The following KMT2A variants were observed in gnomAD, a reference collection of about 807,000 sequenced individuals.
KMT2A encodes histone-lysine N-methyltransferase 2A.
A neutral mutation model predicts 345.3 loss-of-function variants in KMT2A; 16 were observed. The observed-to-expected ratio is 0.05, with a 90% CI of 0.03 to 0.07. The LOEUF is 0.07. KMT2A is among the 10% of genes least tolerant of loss of function. The pLI is 1.00. For missense variants in KMT2A, 3,272 were observed against 4,841.6 expected, an observed-to-expected ratio of 0.68 and a Z score of 9.62; for synonymous variants, 1,599 against 1,778.6, an observed-to-expected ratio of 0.90 and a Z score of 2.54.
intron 31 of KMT2A, among the ~76,000 whole-genome samples, chr11:118,517,911 G>A (rs781793777): frequency 2.9e-4 from 44 of 152,030 alleles, no homozygotes; most frequent in Admixed American, 7.2e-4. Context: ...TTGAGATGAG[G>A]TCTCACTCTG....
Position 118,468,935 on chromosome 11 carries a change from C to G in KMT2A, c.502+91C>G. The G allele has an allele frequency of 5.3e-6, 5 of 935,304 alleles. No homozygotes were observed. In the South Asian group the frequency reaches 7.0e-5, roughly 13 times the overall value. 57.9% of individuals were successfully genotyped at this position (935,304 alleles called of 1,614,324 possible). A position where few individuals can be genotyped will look rare whatever the true frequency, so the allele number is the denominator to read the frequency against. On this transcript the variant is annotated intron_variant, in intron 2 of 35. Transcript: ENST00000534358. ...GCCTTCTTTACATGTAAAGGATGCTCTACCATACTTGGGTTAGGAAATGGC... is the reference window on the plus strand; with the variant it reads ...GCCTTCTTTACATGTAAAGGATGCTGTACCATACTTGGGTTAGGAAATGGC...
Position 118,493,134 on chromosome 11 carries a change from A to T in KMT2A, c.5082A>T (p.Pro1694=), listed in dbSNP as rs782067101. The T allele has an allele frequency of 6.2e-7, 1 of 1,614,104 alleles. No homozygotes were observed. Among genetic ancestry groups the T allele is most frequent in the South Asian group, 1.1e-5 (1 of 91,074 alleles). Residue 1694 remains proline (P), a synonymous_variant, in exon 16 of 36, where the codon CCA becomes CCT. Transcript: ENST00000534358. This position sits in a 1 kb window ranked among gnomAD's most constrained non-coding sequence, Gnocchi z 5.8. ...GCAGCTCCCCCGAAGGACCTGATCC[A>T]CCAGTTCTTACTGAGGTCAGCAAAC... The part of the protein sequence containing the change: ...PSRSSPEGPD[P]PVLTEVSKQD...
chr11:118,452,996 C>T (rs1349406774), intron 1 of KMT2A, among the ~76,000 whole-genome samples: 2 of 152,260 alleles, frequency 1.3e-5, no homozygotes, highest in South Asian at 2.1e-4. Flanking sequence ...CTCCTCTCAT[C>T]TAGTCAGGGT....
rs901652354 is a variant in KMT2A, at chr11:118,504,261, G to A, written c.8369G>A (p.Ser2790Asn). The change falls in exon 27 of 36, where the codon AGC becomes AAC. Residue 2790 changes from serine (S) to asparagine (N), a missense_variant. Coordinates refer to ENST00000534358, the MANE Select transcript of KMT2A (RefSeq NM_001197104.2). This position sits in a 1 kb window ranked among gnomAD's most constrained non-coding sequence, Gnocchi z 6.4. Reference protein sequence around the residue: ...EPKMDNCHSVSRVKTQGQDSL... With the variant: ...EPKMDNCHSVNRVKTQGQDSL... ...AAGATGGATAACTGCCATTCTGTAAGCAGAGTTAAAACACAGGGACAAGAT... is the reference window on the plus strand; with the variant it reads ...AAGATGGATAACTGCCATTCTGTAAACAGAGTTAAAACACAGGGACAAGAT... 2 of 1,614,140 alleles carry A rather than the reference G, an allele frequency of 1.2e-6. No individual in the cohort carries two copies. Among genetic ancestry groups the A allele is most frequent in the South Asian group, 1.1e-5 (1 of 91,088 alleles).
chr11:118,448,720 T>C (rs1555027865), intron 1 of KMT2A: 1 of 152,206 alleles, frequency 6.6e-6, no homozygotes, highest in African/African-American at 2.4e-5. Flanking sequence ...ACATCTTAAG[T>C]ATTTTTTAAG....
intron 1 of KMT2A, chr11:118,450,218 T>C (rs1949507200): frequency 6.6e-6 from 1 of 152,174 alleles, no homozygotes; most frequent in Non-Finnish European, 1.5e-5. Context: ...TTTTTGGTTT[T>C]TTTTTTTAAA....
chr11:118,462,795 T>C (rs112636863), intron 1 of KMT2A, among the ~76,000 whole-genome samples: 13,806 of 152,182 alleles, frequency 0.091, 925 homozygotes, highest in African/African-American at 0.18. Context: ...ATCTCCTGAC[T>C]TTGTGATCCT....
rs576853947 is a variant in KMT2A, at chr11:118,521,471, C to T, written c.11643+54C>T. Reference sequence around the variant, plus strand: ...TCTTTTGTTTTGCTGTAGAAAGGGACCAGTATGACCCCTGGATCACAAAAG... The same window carrying T: ...TCTTTTGTTTTGCTGTAGAAAGGGATCAGTATGACCCCTGGATCACAAAAG... On this transcript the variant is annotated intron_variant, in intron 35 of 35. Transcript: ENST00000534358. The surrounding 1 kb of genome is among the most constrained non-coding windows in gnomAD (Gnocchi z 5.3). 65 of 1,586,982 alleles carry T rather than the reference C, an allele frequency of 4.1e-5. No homozygotes were observed. In the African/African-American group the frequency reaches 8.1e-4, roughly 20 times the overall value.
intron 1 of KMT2A, among the ~76,000 whole-genome samples, chr11:118,438,505 G>T (rs181415065): frequency 1.4e-5 from 2 of 148,022 alleles, no homozygotes; most frequent in Non-Finnish European, 3.0e-5. Flanking sequence ...GAAGCGAAGG[G>T]GGGTAGGGGG....
rs142499035 is a variant in KMT2A at position 118,504,349 on chromosome 11, C to T, written c.8457C>T (p.Ser2819=). 1.4e-4 allele frequency: 231 copies of T among 1,613,970 alleles called. No individual in the cohort carries two copies. In the African/African-American group the frequency reaches 2.4e-3, roughly 17 times the overall value. ...GCAGAGTCCACACAAGTACCCCCTCCGACAAAAATTTACTGGACACCTATA... is the reference window on the plus strand; with the variant it reads ...GCAGAGTCCACACAAGTACCCCCTCTGACAAAAATTTACTGGACACCTATA... The part of the protein sequence containing the change: ...SSRRVHTSTP[S]DKNLLDTYNT... Residue 2819 remains serine, a synonymous_variant, in exon 27 of 36, where the codon TCC becomes TCT. Coordinates refer to ENST00000534358, the MANE Select transcript of KMT2A (RefSeq NM_001197104.2). The surrounding 1 kb of genome is among the most constrained non-coding windows in gnomAD (Gnocchi z 6.4).
Position 118,481,741 on chromosome 11 carries a change from A to C in KMT2A, c.3661A>C (p.Lys1221Gln). 6.2e-7 allele frequency: 1 copy of C among 1,613,470 alleles called. No individual in the cohort carries two copies. The highest frequency in any genetic ancestry group is 8.5e-7 in the Non-Finnish European group (1 of 1,179,842). ...TGTGAAAAAGAAAGAGAAAAAGTCT[A>C]AGACCAGTGAAAAGAAAGACAGCAA... is the stretch of plus-strand genomic sequence containing the variant. ...KAVKKKEKKS[K>Q]TSEKKDSKES... The change falls in exon 7 of 36, where the codon AAG (lysine) becomes CAG (glutamine). Residue 1221 changes from lysine to glutamine, a missense_variant. By Grantham distance (53) the Lys-to-Gln change is moderately conservative (BLOSUM62 1). Transcript: ENST00000534358.
chr11:118,443,741 C>T (rs1949360490), intron 1 of KMT2A, among the ~76,000 whole-genome samples: 1 of 152,220 alleles, frequency 6.6e-6, no homozygotes. Context: ...GACAAATAGA[C>T]TGAAGGGATT....
chr11:118,443,854 TC>T (rs1308899418), intron 1 of KMT2A, among the ~76,000 whole-genome samples: 4 of 152,212 alleles, frequency 2.6e-5, no homozygotes, highest in African/African-American at 7.2e-5. Context: ...TGGAGTTTCT[TC>T]CGTATATAGT....
Position 118,474,326 on chromosome 11 carries a change from C to T in KMT2A, c.3156+11C>T. The T allele has an allele frequency of 6.2e-7, 1 of 1,608,954 alleles. No homozygotes were observed. The highest frequency in any genetic ancestry group is 8.5e-7 in the Non-Finnish European group (1 of 1,177,918). ...CAGCCCAAAGCACAGGTACTCTTTT[C>T]CACCTTGCCTATTAAAACTAACAGT... On this transcript the variant is annotated intron_variant, in intron 3 of 35. Coordinates refer to ENST00000534358, the MANE Select transcript of KMT2A (RefSeq NM_001197104.2).
At position 118,490,116 on chromosome 11, in the gene KMT2A, T is replaced by C; in HGVS notation, c.4576-13T>C. ...CAAGAAATTCCTATTGAATTTCTTT[T>C]CTTCTTTTCTAGATCTGTACCAAGT... On this transcript the variant is annotated splice_polypyrimidine_tract_variant and intron_variant, in intron 12 of 35. Coordinates refer to ENST00000534358, the MANE Select transcript of KMT2A (RefSeq NM_001197104.2). This position sits in a 1 kb window ranked among gnomAD's most constrained non-coding sequence, Gnocchi z 4.2. 6.3e-7 allele frequency: 1 copy of C among 1,599,432 alleles called. No homozygotes were observed. Among genetic ancestry groups the C allele is most frequent in the Admixed American group, 1.8e-5 (1 of 55,604 alleles).
In KMT2A at chr11:118,513,993, A is replaced by G. The variant is rs116213038; in HGVS notation, c.11146+1968A>G. ...AAAAAAGTCTTGCTCATAATTTTTA[A>G]AATTCTACCCCAAAAATATAAGTCA... On this transcript the variant is annotated intron_variant, in intron 31 of 35. Transcript: ENST00000534358. Among the ~76,000 whole-genome samples, 660 of 151,912 alleles carry G rather than the reference A, an allele frequency of 4.3e-3. 3 individuals carry two copies. Among genetic ancestry groups the G allele is most frequent in the African/African-American group, 0.015 (632 of 41,432 alleles).
chr11:118,467,704 G>GA (rs1949871583), intron 1 of KMT2A, among the ~76,000 whole-genome samples: 1 of 152,216 alleles, frequency 6.6e-6, no homozygotes, highest in Non-Finnish European at 1.5e-5. Context: ...TAATCCTTCA[G>GA]AAAATCATTG....
At chr11:118,480,884 C>G (rs1950119487) in intron 6 of KMT2A, among the ~76,000 whole-genome samples, 1 of 152,064 alleles carries the variant, frequency 6.6e-6, no homozygotes, top group African/African-American at 2.4e-5. Flanking sequence ...CCAGGCTGGT[C>G]TTGAACTCCT....
At chr11:118,501,405 G>A (rs1482701123) in intron 25 of KMT2A, among the ~76,000 whole-genome samples, 1 of 151,976 alleles carries the variant, frequency 6.6e-6, no homozygotes, top group Admixed American at 6.6e-5. Flanking sequence ...GGAGGCAGAT[G>A]TTGCAGTCAG....
Sources: gnomAD v4.1 joint callset for allele counts (sites outside exome capture counted in the v4.1 genomes callset) on GRCh38, gnomAD v4.1.1 for gene constraint, Gnocchi (gnomAD v3.1) non-coding constraint, MANE v1.5 for transcripts, NCBI Gene and HGNC (gene_info 2026-07-23, HGNC 2026-07-21) for gene names.